GARNL3: variants seen among roughly 807,000 people sequenced by gnomAD.
GARNL3 encodes GTPase-activating Rap/Ran-GAP domain-like protein 3.
A neutral mutation model predicts 125.0 loss-of-function variants in GARNL3; 63 were observed. The observed-to-expected ratio is 0.50, with a 90% confidence interval of 0.41 to 0.62. The LOEUF (loss-of-function observed/expected upper bound fraction) is 0.62, where lower values mean the gene tolerates loss of function less well. Ranked by LOEUF, GARNL3 falls within the 20% of genes least tolerant of loss-of-function variation. The pLI is 0.00. For missense variants in GARNL3, 994 were observed against 1,244.0 expected (o/e 0.80, Z 3.02); for synonymous variants, 439 against 457.5 (o/e 0.96, Z 0.52).
intron 6 of GARNL3, among the ~76,000 whole-genome samples, chr9:127,322,563 C>G (rs571177486): frequency 5.3e-5 from 8 of 152,256 alleles, no homozygotes; most frequent in Non-Finnish European, 1.2e-4. Context: ...CCCTTGTCCT[C>G]TGTGTGTGTG....
intron 1 of GARNL3, among the ~76,000 whole-genome samples, chr9:127,277,908 A>AT (rs2063998792): frequency 6.6e-6 from 1 of 152,024 alleles, no homozygotes; most frequent in Non-Finnish European, 1.5e-5. Flanking sequence ...ATTTGTGGGC[A>AT]TTTTTTACCT....
intron 1 of GARNL3, among the ~76,000 whole-genome samples, chr9:127,282,642 T>C (rs2064133739): frequency 6.6e-6 from 1 of 152,196 alleles, no homozygotes; most frequent in Non-Finnish European, 1.5e-5. Flanking sequence ...CATATTATGC[T>C]TAAGGATGTA....
At chr9:127,263,764 G>C (rs1468285606), upstream of GARNL3, 7 of 1,222,598 alleles carry the variant, frequency 5.7e-6, no homozygotes, top group Non-Finnish European at 7.1e-6. Context: ...ACTACAAAAG[G>C]TTAAATTTCT....
upstream of GARNL3, chr9:127,263,994 G>T: frequency 6.6e-7 from 1 of 1,524,566 alleles, no homozygotes; most frequent in South Asian, 1.2e-5. Context: ...AAGGAAGGAT[G>T]AAAAGGTACT....
At chr9:127,252,380 A>G (rs1286295256) in intron 2 of GARNL3, among the ~76,000 whole-genome samples, 2 of 152,224 alleles carry the variant, frequency 1.3e-5, no homozygotes, top group Non-Finnish European at 2.9e-5. Flanking sequence ...TGTTGATGAG[A>G]AGCATGGATA....
intron 2 of GARNL3, among the ~76,000 whole-genome samples, chr9:127,251,285 A>G (rs550721372): frequency 2.6e-5 from 4 of 152,044 alleles, no homozygotes; most frequent in African/African-American, 9.7e-5. Flanking sequence ...TAGTTCAAAT[A>G]CTTTTGCTTC....
intron 2 of GARNL3, among the ~76,000 whole-genome samples, chr9:127,306,758 A>T (rs1483607264): frequency 1.3e-5 from 2 of 151,294 alleles, no homozygotes; most frequent in African/African-American, 2.4e-5. Flanking sequence ...GTGGTGGCAC[A>T]CACCTGTAAT....
intron 1 of GARNL3, among the ~76,000 whole-genome samples, chr9:127,241,487 C>T (rs1432078030): frequency 6.6e-6 from 1 of 151,444 alleles, no homozygotes; most frequent in Non-Finnish European, 1.5e-5. Context: ...TGACTTGAGC[C>T]TTTGATGTCT....
Position 127,272,026 on chromosome 9 carries a change from C to T in GARNL3, c.144+7005C>T, listed in dbSNP as rs992405576. Among the ~76,000 whole-genome samples the T allele has an allele frequency of 2.1e-4, 32 of 150,180 alleles. 3 individuals carry two copies. The highest frequency in any genetic ancestry group is 8.1e-4 in the African/African-American group (32 of 39,556). On this transcript the variant is annotated intron_variant, in intron 1 of 27. Transcript: ENST00000373387. Reference sequence around the variant, plus strand: ...AGCCTCAAAGGGTATCTGGCTGTACCGTCTAATAACTATCAAAAGAACGGT... The same window carrying T: ...AGCCTCAAAGGGTATCTGGCTGTACTGTCTAATAACTATCAAAAGAACGGT...
chr9:127,267,491 A>G (rs1382964595), intron 1 of GARNL3, among the ~76,000 whole-genome samples: 3 of 152,166 alleles, frequency 2.0e-5, no homozygotes, highest in African/African-American at 7.2e-5. Flanking sequence ...TAATGGGTAC[A>G]TGATAGGCCA....
chr9:127,290,335 G>A (rs16929752), intron 1 of GARNL3, among the ~76,000 whole-genome samples: 27,990 of 151,978 alleles, frequency 0.18, 2,693 homozygotes, highest in East Asian at 0.3. Context: ...TAGTGAAAAC[G>A]TGAGGTAACC....
At chr9:127,310,642 C>T (rs2065067727) in intron 2 of GARNL3, among the ~76,000 whole-genome samples, 1 of 151,956 alleles carries the variant, frequency 6.6e-6, no homozygotes, top group African/African-American at 2.4e-5. Context: ...GGCAAGGGGG[C>T]ATGTGCCTGT....
chr9:127,368,447 C>T (rs1368117365), intron 22 of GARNL3, among the ~76,000 whole-genome samples: 1 of 151,596 alleles, frequency 6.6e-6, no homozygotes, highest in African/African-American at 2.4e-5. Context: ...TCTCCCGTCT[C>T]AGCCTCCTGA....
chr9:127,376,615 C>A (rs1264397346), intron 22 of GARNL3, among the ~76,000 whole-genome samples: 1 of 151,342 alleles, frequency 6.6e-6, no homozygotes, highest in Non-Finnish European at 1.5e-5. Context: ...TTTTATGGGA[C>A]GTTTTAAAGG....
At chr9:127,244,427 C>A (rs1056088352) in intron 2 of GARNL3, among the ~76,000 whole-genome samples, 2 of 152,198 alleles carry the variant, frequency 1.3e-5, no homozygotes, top group Non-Finnish European at 2.9e-5. Context: ...AGTAAACCAA[C>A]AGTTGTTAAA....
At chr9:127,357,651 G>GA (rs1410402164) in intron 21 of GARNL3, among the ~76,000 whole-genome samples, 1 of 152,078 alleles carries the variant, frequency 6.6e-6, no homozygotes, top group Non-Finnish European at 1.5e-5. Flanking sequence ...AAAGAGATAT[G>GA]AAAAGGCCGG....
chr9:127,264,033 C>T (rs1212938070), upstream of GARNL3: 1 of 1,341,048 alleles, frequency 7.5e-7, no homozygotes, highest in Non-Finnish European at 1.0e-6. Context: ...ATGTTAGATC[C>T]CAAATGTTTT....
chr9:127,256,377 C>A (rs760826365), intron 2 of GARNL3, among the ~76,000 whole-genome samples: 3 of 152,168 alleles, frequency 2.0e-5, no homozygotes, highest in Admixed American at 6.5e-5. Flanking sequence ...CTGCTGTGGG[C>A]ACCCACACCC....
chr9:127,256,112 A>C (rs1403607909), intron 2 of GARNL3, among the ~76,000 whole-genome samples: 1 of 152,196 alleles, frequency 6.6e-6, no homozygotes, highest in Non-Finnish European at 1.5e-5. Context: ...CGTTTAATAC[A>C]ATTTGGTCAT....
Sources: allele counts gnomAD v4.1 joint callset (sites outside exome capture counted in the v4.1 genomes callset), GRCh38; gene constraint gnomAD v4.1.1; transcripts MANE v1.5; gene names NCBI Gene and HGNC (gene_info 2026-07-23, HGNC 2026-07-21).